Variants in FRMD4A observed in about 807,000 individuals in gnomAD.
FRMD4A encodes FERM domain containing 4A, also known as FERM domain-containing protein 4A.
In FRMD4A, 29 loss-of-function variants were observed where a neutral mutation model predicts 129.1. The observed-to-expected ratio is 0.22, with a 90% CI of 0.17 to 0.31. The LOEUF is 0.31. Among genes scored for constraint, FRMD4A ranks in the 10% least tolerant of loss-of-function variants. The probability of loss-of-function intolerance (pLI) is 1.00; values close to 1 mark genes in which losing one functional copy is unlikely to be tolerated. For missense variants in FRMD4A, 1,272 were observed against 1,375.8 expected (o/e 0.92, Z 1.19); for synonymous variants, 634 against 571.6 (o/e 1.11, Z -1.56).
chr10:14,131,471 A>G (rs1839255760), intron 2 of FRMD4A, among the ~76,000 whole-genome samples: 1 of 149,688 alleles, frequency 6.7e-6, no homozygotes, highest in South Asian at 2.2e-4. Context: ...GATGAAGTCC[A>G]GTTACGTGTG....
intron 2 of FRMD4A, among the ~76,000 whole-genome samples, chr10:14,136,818 G>T (rs753471652): frequency 4.6e-5 from 7 of 152,106 alleles, no homozygotes; most frequent in Non-Finnish European, 1.0e-4. Flanking sequence ...CATGTCATCA[G>T]GACCTCCTGA....
chr10:14,291,432 C>T (rs1845847659), intron 2 of FRMD4A, among the ~76,000 whole-genome samples: 1 of 152,144 alleles, frequency 6.6e-6, no homozygotes, highest in South Asian at 2.1e-4. Context: ...CTTTCTACTA[C>T]ACTACCATGT....
chr10:13,693,159 C>A (rs1359166715), intron 15 of FRMD4A: 1 of 158,708 alleles, frequency 6.3e-6, no homozygotes, highest in African/African-American at 2.4e-5. Flanking sequence ...GAGGTGTGAG[C>A]CACCGTGCCC....
chr10:14,052,724 A>AT lies in FRMD4A; in HGVS notation c.46-193813dup, dbSNP rs10695815. Among the ~76,000 whole-genome samples, 1,367 of 150,542 alleles carry AT rather than the reference A, an allele frequency of 9.1e-3. 14 individuals carry two copies. The highest frequency in any genetic ancestry group is 0.02 in the Admixed American group (295 of 15,120). On this transcript the variant is annotated intron_variant, in intron 2 of 24. Transcript: ENST00000357447. ...CAGGTGCTCACCACCATAACTGGCTATTTTTTTTTCTGTATTTTTAGTAGA... is the reference window on the plus strand; with the variant it reads ...CAGGTGCTCACCACCATAACTGGCTATTTTTTTTTTCTGTATTTTTAGTAGA...
At chr10:13,659,764 A>T (rs2082482762) in intron 20 of FRMD4A, among the ~76,000 whole-genome samples, 1 of 151,464 alleles carries the variant, frequency 6.6e-6, no homozygotes, top group Admixed American at 6.6e-5. Context: ...TTTGTTTTCC[A>T]AGAAACAAAT....
intron 6 of FRMD4A, among the ~76,000 whole-genome samples, chr10:13,774,684 T>TGGG (rs1372958103): frequency 1.3e-5 from 2 of 152,172 alleles, no homozygotes; most frequent in Admixed American, 6.5e-5. Flanking sequence ...GGACACCCAC[T>TGGG]GGGGGACCAT....
chr10:14,023,014 T>C (rs73593352), intron 2 of FRMD4A, among the ~76,000 whole-genome samples: 2,307 of 152,158 alleles, frequency 0.015, 61 homozygotes, highest in African/African-American at 0.053. Context: ...TCCACAGCCA[T>C]CAGCCACCAT....
At chr10:13,883,844 G>T (rs551412712) in intron 2 of FRMD4A, among the ~76,000 whole-genome samples, 86 of 152,286 alleles carry the variant, frequency 5.6e-4, no homozygotes, top group African/African-American at 1.9e-3. Context: ...CTTGGATGCA[G>T]ATATAATGTT....
chr10:13,867,801 TAATA>T (rs1268798698), intron 2 of FRMD4A, among the ~76,000 whole-genome samples: 4 of 134,270 alleles, frequency 3.0e-5, no homozygotes, highest in African/African-American at 1.1e-4. Flanking sequence ...ATATAATATA[TAATA>T]AATAATACAT....
At chr10:14,191,401 C>T (rs945089080) in intron 2 of FRMD4A, among the ~76,000 whole-genome samples, 14 of 152,270 alleles carry the variant, frequency 9.2e-5, no homozygotes, top group African/African-American at 3.4e-4. Flanking sequence ...AGTGCCAGCT[C>T]CTAAGAGAAA....
At chr10:14,103,995 G>C (rs1837446849) in intron 2 of FRMD4A, among the ~76,000 whole-genome samples, 1 of 152,210 alleles carries the variant, frequency 6.6e-6, no homozygotes, top group Non-Finnish European at 1.5e-5. Flanking sequence ...GTATGGTAAG[G>C]TACCAGGTCC....
chr10:13,964,224 A>G (rs2095468323), intron 2 of FRMD4A, among the ~76,000 whole-genome samples: 2 of 152,112 alleles, frequency 1.3e-5, no homozygotes, highest in South Asian at 2.1e-4. Flanking sequence ...AACCAAAACA[A>G]AAAACATCAA....
At chr10:13,744,613 T>G (rs1346767406) in intron 9 of FRMD4A, 5 of 152,218 alleles carry the variant, frequency 3.3e-5, no homozygotes, top group Non-Finnish European at 7.3e-5. Context: ...ACCCACTGCC[T>G]TGGTTACCAG....
rs528645956 is a variant in FRMD4A, at chr10:14,122,617, A to G, written c.45+207441T>C. Among the ~76,000 whole-genome samples the G allele has an allele frequency of 6.3e-4, 95 of 151,442 alleles. 1 individual carries two copies. The highest frequency in any genetic ancestry group is 7.8e-4 in the Non-Finnish European group (53 of 67,886). On this transcript the variant is annotated intron_variant, in intron 2 of 24. Transcript: ENST00000357447. ...GAGCAAGTGGGGTGGGGGGTAGGGG[A>G]GGGCTGCTACACACTTTTAAATGAT...
At chr10:13,705,962 G>T (rs574314557) in intron 13 of FRMD4A, among the ~76,000 whole-genome samples, 2 of 152,314 alleles carry the variant, frequency 1.3e-5, no homozygotes, top group African/African-American at 4.8e-5. Context: ...ATCATGGGCT[G>T]CAGGAACAGG....
intron 3 of FRMD4A, among the ~76,000 whole-genome samples, chr10:13,811,370 T>C (rs1197391667): frequency 6.6e-6 from 1 of 151,464 alleles, no homozygotes; most frequent in Non-Finnish European, 1.5e-5. Context: ...TGGCTTCAAG[T>C]GATCCACCTG....
intron 2 of FRMD4A, among the ~76,000 whole-genome samples, chr10:14,121,512 GGAGTAA>G (rs1266461154): frequency 6.6e-6 from 1 of 152,198 alleles, no homozygotes; most frequent in African/African-American, 2.4e-5. Flanking sequence ...CACGCTTTGA[GGAGTAA>G]GAGTTTAAAA....
chr10:13,734,029 G>A (rs927327331), intron 12 of FRMD4A, among the ~76,000 whole-genome samples: 8 of 152,138 alleles, frequency 5.3e-5, no homozygotes, highest in East Asian at 1.9e-4. Flanking sequence ...AGCCTGCCGC[G>A]TTGCATGTCC....
intron 2 of FRMD4A, among the ~76,000 whole-genome samples, chr10:14,238,863 T>A: frequency 6.6e-6 from 1 of 152,208 alleles, no homozygotes; most frequent in East Asian, 1.9e-4. Flanking sequence ...GGACATGAAC[T>A]CATTCTTTTT....
Sources: gnomAD v4.1 joint callset for allele counts (sites outside exome capture counted in the v4.1 genomes callset) on GRCh38, gnomAD v4.1.1 for gene constraint, MANE v1.5 for transcripts, NCBI Gene and HGNC (gene_info 2026-07-23, HGNC 2026-07-21) for gene names.